GLMN: variants seen among roughly 807,000 people sequenced by gnomAD.
The protein encoded by GLMN is glomulin, FKBP associated protein, also known as glomulin.
In GLMN, 75 loss-of-function variants were observed where a neutral mutation model predicts 87.8. The observed-to-expected ratio is 0.85, with a 90% CI of 0.71 to 1.04. The LOEUF (loss-of-function observed/expected upper bound fraction) is 1.04. Ranked by LOEUF, GLMN falls within the 50% of genes least tolerant of loss-of-function variation. The pLI, the probability that GLMN is intolerant of heterozygous loss-of-function variation, is 0.00. For missense variants in GLMN, 588 were observed against 658.8 expected (o/e 0.89, Z 1.18); for synonymous variants, 206 against 221.6 (o/e 0.93, Z 0.63).
chr1:92,369,829 G>T, the GLMN span, among the ~76,000 whole-genome samples: 1 of 152,212 alleles, frequency 6.6e-6, no homozygotes, highest in South Asian at 2.1e-4. Flanking sequence ...TGTTTGGTAA[G>T]ATCTTGCAAT....
At chr1:92,351,718 G>C in the GLMN span, among the ~76,000 whole-genome samples, 1 of 152,194 alleles carries the variant, frequency 6.6e-6, no homozygotes, top group African/African-American at 2.4e-5. Context: ...CAGCCAAAGA[G>C]AAGACATATA....
the GLMN span, among the ~76,000 whole-genome samples, chr1:92,311,781 C>G: frequency 4.6e-5 from 7 of 152,170 alleles, no homozygotes; most frequent in Non-Finnish European, 7.3e-5. Flanking sequence ...GTTATGTTTC[C>G]ACTATACTGT....
At chr1:92,370,798 T>C in the GLMN span, among the ~76,000 whole-genome samples, 1 of 152,136 alleles carries the variant, frequency 6.6e-6, no homozygotes. Context: ...CAGTTGAGTC[T>C]TCATTTTGCT....
At chr1:92,269,184 G>A (rs1655973008) in intron 9 of GLMN, among the ~76,000 whole-genome samples, 1 of 150,102 alleles carries the variant, frequency 6.7e-6, no homozygotes, top group South Asian at 2.1e-4. Context: ...TTATAGGCGT[G>A]AGCCACCGTG....
chr1:92,345,922 C>G, the GLMN span: 1 of 1,575,816 alleles, frequency 6.3e-7, no homozygotes, highest in South Asian at 1.1e-5. Flanking sequence ...ATTGTAAGTA[C>G]TCTCTCAGAT....
chr1:92,283,397 A>T (rs3131813), intron 7 of GLMN, among the ~76,000 whole-genome samples: 72,507 of 152,078 alleles, frequency 0.48, 18,294 homozygotes, highest in East Asian at 0.96. Context: ...GATGCAGAAA[A>T]GGCCTTGGAT....
the GLMN span, among the ~76,000 whole-genome samples, chr1:92,337,584 G>T: frequency 1.3e-5 from 2 of 152,096 alleles, no homozygotes; most frequent in Non-Finnish European, 2.9e-5. Context: ...CCAAACTATA[G>T]ATGTCTTAAA....
intron 2 of GLMN, 68 bp from the exon 3 acceptor site, chr1:92,297,597 A>G (rs1650264568): frequency 1.6e-6 from 2 of 1,285,452 alleles, no homozygotes; most frequent in Admixed American, 2.0e-5. Context: ...ATTAAATACA[A>G]TAACTTCTTG....
At chr1:92,313,125 C>T in the GLMN span, among the ~76,000 whole-genome samples, 3 of 152,196 alleles carry the variant, frequency 2.0e-5, no homozygotes, top group African/African-American at 7.2e-5. Context: ...CCTTGGCTTC[C>T]CAAAGTGTTG....
chr1:92,305,077 G>C, the GLMN span, among the ~76,000 whole-genome samples: 1 of 151,882 alleles, frequency 6.6e-6, no homozygotes, highest in Admixed American at 6.6e-5. Context: ...AGAGGTTACA[G>C]TGAGCCGAGA....
chr1:92,307,102 C>T, the GLMN span: 21 of 883,102 alleles, frequency 2.4e-5, no homozygotes, highest in East Asian at 5.4e-5. Flanking sequence ...ATTCTTTGAA[C>T]GATACATTTA....
the GLMN span, among the ~76,000 whole-genome samples, chr1:92,313,782 T>C: frequency 4.6e-5 from 7 of 152,248 alleles, no homozygotes; most frequent in Non-Finnish European, 5.9e-5. Flanking sequence ...GAAAATTTGT[T>C]TAGTGTAGCT....
the GLMN span, among the ~76,000 whole-genome samples, chr1:92,339,963 C>T: frequency 6.6e-6 from 1 of 152,034 alleles, no homozygotes; most frequent in Non-Finnish European, 1.5e-5. Context: ...TGGGGTTGTA[C>T]AGAAGAAACA....
rs570893763 is a variant in GLMN, at chr1:92,284,607, CA to C, written c.735+1882del. On this transcript the variant is annotated intron_variant, in intron 7 of 18. Transcript: ENST00000370360. ...CACCAAAAGGAATGTCAACAAAAGCCAAAATAGACAAATGGGATTAATTAAA... is the reference window on the plus strand; with the variant it reads ...CACCAAAAGGAATGTCAACAAAAGCCAAATAGACAAATGGGATTAATTAAA... Among the ~76,000 whole-genome samples the C allele has an allele frequency of 1.2e-3, 189 of 152,130 alleles. 3 individuals are homozygous for C. Among genetic ancestry groups the C allele is most frequent in the African/African-American group, 4.5e-3 (186 of 41,524 alleles).
chr1:92,346,280 C>T, the GLMN span, among the ~76,000 whole-genome samples: 7,231 of 152,030 alleles, frequency 0.048, 600 homozygotes, highest in African/African-American at 0.16. Flanking sequence ...TCTCCCACCT[C>T]AGCCTCTCTA....
intron 17 of GLMN, among the ~76,000 whole-genome samples, chr1:92,247,402 C>T (rs900086172): frequency 6.6e-6 from 1 of 152,056 alleles, no homozygotes; most frequent in Admixed American, 6.6e-5. Flanking sequence ...CTGTTTTCTT[C>T]AGTATATAAT....
upstream of GLMN, chr1:92,299,075 T>C (rs1283317357): frequency 1.3e-5 from 19 of 1,501,796 alleles, no homozygotes; most frequent in Non-Finnish European, 1.7e-5. Flanking sequence ...CTCTCCCCCA[T>C]GGCGGACTTC....
the GLMN span, among the ~76,000 whole-genome samples, chr1:92,349,592 C>T: frequency 6.6e-6 from 1 of 151,610 alleles, no homozygotes; most frequent in African/African-American, 2.4e-5. Flanking sequence ...AAGCCATCTT[C>T]TCCTGGTGAC....
the GLMN span, among the ~76,000 whole-genome samples, chr1:92,360,089 A>G: frequency 6.6e-6 from 1 of 152,376 alleles, no homozygotes; most frequent in African/African-American, 2.4e-5. Flanking sequence ...ATTCAGACTC[A>G]GACCCTATCT....
Sources: gnomAD v4.1 joint callset for allele counts (sites outside exome capture counted in the v4.1 genomes callset) on GRCh38, gnomAD v4.1.1 for gene constraint, MANE v1.5 for transcripts, NCBI Gene and HGNC (gene_info 2026-07-23, HGNC 2026-07-21) for gene names.